LYST: variants seen among roughly 807,000 people sequenced by gnomAD.
LYST encodes the protein lysosomal-trafficking regulator.
In LYST, 192 loss-of-function variants were observed where a neutral mutation model predicts 413.6. The observed-to-expected ratio is 0.46, with a 90% CI of 0.41 to 0.52. The LOEUF (loss-of-function observed/expected upper bound fraction) is 0.52, where lower values mean the gene tolerates loss of function less well. LYST is among the 20% of genes least tolerant of loss of function. The pLI is 0.00. For synonymous variants in LYST, 1,525 were observed against 1,567.3 expected (o/e 0.97, Z 0.64); for missense variants, 3,815 against 4,499.9 (o/e 0.85, Z 4.35).
chr1:235,805,933 T>C lies in LYST; in HGVS notation c.3203A>G (p.Gln1068Arg), dbSNP rs779951954. The stretch of plus-strand genomic sequence containing the variant: ...TTCCACATTTATGGAAGAAATATGC[T>C]GTAACTCTAATTTACCTAAACTGTC... ...SADSLGKLEL[Q>R]HISSINVEEV... Residue 1068 changes from glutamine to arginine, a missense_variant, in exon 6 of 53, where the codon CAG becomes CGG. By Grantham distance (43) the Gln-to-Arg change is conservative. Transcript: ENST00000389793. 4.3e-6 allele frequency: 7 copies of C among 1,613,932 alleles called. No individual in the cohort carries two copies. The Admixed American group carries it at 1.2e-4, about 27-fold the overall frequency.
At chr1:235,880,698 A>C (rs911071693) in intron 1 of LYST, among the ~76,000 whole-genome samples, 2 of 152,144 alleles carry the variant, frequency 1.3e-5, no homozygotes, top group African/African-American at 4.8e-5. Context: ...CTGTCTCCTC[A>C]ATTGTGATGT....
intron 10 of LYST, 130 bp downstream of exon 10, chr1:235,800,190 G>T: frequency 1.6e-6 from 1 of 644,874 alleles, no homozygotes; most frequent in Admixed American, 2.4e-5. Context: ...CAAGTGATCC[G>T]CCTGCCACCT....
At chr1:235,787,777 T>C (rs575300942) in intron 13 of LYST, among the ~76,000 whole-genome samples, 24 of 152,130 alleles carry the variant, frequency 1.6e-4, no homozygotes, top group Non-Finnish European at 3.4e-4. Context: ...ACTGAAAGAA[T>C]GAGGAGATAA....
chr1:235,717,349 C>T (rs1394184799), intron 40 of LYST, among the ~76,000 whole-genome samples: 2 of 152,208 alleles, frequency 1.3e-5, no homozygotes, highest in South Asian at 2.1e-4. Flanking sequence ...AATACCATTG[C>T]GCACAGTGTA....
At chr1:235,839,509 T>A (rs1349661976) in intron 1 of LYST, 1 of 151,988 alleles carries the variant, frequency 6.6e-6, no homozygotes, top group East Asian at 1.9e-4. Flanking sequence ...AAAAATCAGT[T>A]CATGCTGGGC....
At chr1:235,791,600 T>A (rs764992684) in intron 12 of LYST, 99 bp downstream of exon 12, 2 of 964,136 alleles carry the variant, frequency 2.1e-6, no homozygotes, top group South Asian at 2.6e-5. Context: ...GAAGAACATG[T>A]TAAGAGTGTT....
At chr1:235,712,344 T>C (rs953561299) in intron 42 of LYST, 147 bp from the exon 43 acceptor site, 6 of 625,338 alleles carry the variant, frequency 9.6e-6, no homozygotes, top group Admixed American at 3.3e-5. Context: ...TTATTCATGT[T>C]CTTGAAAATA....
intron 45 of LYST, among the ~76,000 whole-genome samples, chr1:235,702,444 T>A (rs1475280968): frequency 6.6e-6 from 1 of 152,122 alleles, no homozygotes; most frequent in African/African-American, 2.4e-5. Context: ...GCTTGAAAAA[T>A]CCTATTATGT....
upstream of LYST, among the ~76,000 whole-genome samples, chr1:235,869,399 G>C (rs979421337): frequency 2.0e-5 from 3 of 152,176 alleles, no homozygotes; most frequent in African/African-American, 7.2e-5. Flanking sequence ...GTGAACCCGG[G>C]AGGCGGAGCT....
intron 44 of LYST, among the ~76,000 whole-genome samples, chr1:235,705,730 G>T (rs150738700): frequency 1.3e-5 from 2 of 150,836 alleles, no homozygotes; most frequent in East Asian, 3.9e-4. Flanking sequence ...TAACTGAAAA[G>T]ATGGTTCAGG....
intron 47 of LYST, among the ~76,000 whole-genome samples, chr1:235,691,521 G>A (rs1660651404): frequency 6.6e-6 from 1 of 152,156 alleles, no homozygotes; most frequent in African/African-American, 2.4e-5. Flanking sequence ...TGACAAAGGT[G>A]AGTGAACACT....
intron 10 of LYST, among the ~76,000 whole-genome samples, chr1:235,796,977 A>G (rs1274018300): frequency 1.3e-5 from 2 of 152,194 alleles, no homozygotes; most frequent in African/African-American, 4.8e-5. Context: ...GCATATAATA[A>G]CAAGTGTTGG....
At chr1:235,815,529 T>C (rs1028779572) in intron 3 of LYST, among the ~76,000 whole-genome samples, 8 of 152,102 alleles carry the variant, frequency 5.3e-5, no homozygotes, top group Non-Finnish European at 1.2e-4. Context: ...GTTTGGCTTT[T>C]TCATAGAAAG....
intron 1 of LYST, among the ~76,000 whole-genome samples, chr1:235,845,461 A>G (rs1284979958): frequency 6.6e-6 from 1 of 152,150 alleles, no homozygotes; most frequent in Non-Finnish European, 1.5e-5. Context: ...CTTTCTAACA[A>G]TTTGAACGCG....
intron 9 of LYST, 103 bp downstream of exon 9, chr1:235,800,768 C>T: frequency 1.3e-6 from 1 of 789,226 alleles, no homozygotes; most frequent in South Asian, 1.6e-5. Flanking sequence ...GATAAGTAAT[C>T]ATCTCAAATA....
At chr1:235,828,852 A>C (rs1368531514) in intron 3 of LYST, 6 of 747,264 alleles carry the variant, frequency 8.0e-6, no homozygotes. Context: ...TCATACAAAT[A>C]TATAAAAATT....
At position 235,665,426 on chromosome 1, in the gene LYST, A is replaced by G. The variant is rs1183950035; in HGVS notation, c.11039-805T>C. 2.6e-5 allele frequency among the ~76,000 whole-genome samples: 4 copies of G among 151,938 alleles called. No individual in the cohort carries two copies. The East Asian group carries it at 7.8e-4, about 29-fold the overall frequency. On this transcript the variant is annotated intron_variant, in intron 50 of 52. Transcript: ENST00000389793. ...GGAGTTCGAGACCAGCCTAGTTAAC[A>G]TGGTGAAACCCCATCTCTACTAAAA...
chr1:235,734,947 T>C (rs1664697024), intron 31 of LYST: 1 of 210,606 alleles, frequency 4.7e-6, no homozygotes, highest in South Asian at 1.0e-4. Flanking sequence ...TATATATATG[T>C]TAAAATAGTT....
In LYST at chr1:235,832,149, A is replaced by C. The variant is rs543662381; in HGVS notation, c.-8+1429T>G. On this transcript the variant is annotated intron_variant, in intron 2 of 52. Transcript: ENST00000389793. ...GTATCAGCAGAAAGTTTCAGAAAACAACCAGGAAAACATTTAAAAACTCAA... is the reference window on the plus strand; with the variant it reads ...GTATCAGCAGAAAGTTTCAGAAAACCACCAGGAAAACATTTAAAAACTCAA... Among the ~76,000 whole-genome samples the C allele has an allele frequency of 1.3e-4, 20 of 152,360 alleles. No individual in the cohort carries two copies. In the East Asian group the frequency reaches 2.9e-3, roughly 22 times the overall value.
Sources: gnomAD v4.1 joint callset for allele counts (sites outside exome capture counted in the v4.1 genomes callset) on GRCh38, gnomAD v4.1.1 for gene constraint, MANE v1.5 for transcripts, NCBI Gene and HGNC (gene_info 2026-07-23, HGNC 2026-07-21) for gene names.